PCCA: variants seen among roughly 807,000 people sequenced by gnomAD.
PCCA encodes propionyl-CoA carboxylase subunit alpha, also known as propionyl-CoA carboxylase alpha chain, mitochondrial.
In PCCA, 74 loss-of-function variants were observed where a neutral mutation model predicts 101.3. The ratio of observed to expected loss-of-function variants is 0.73; its 90% confidence interval spans 0.61 to 0.89. The LOEUF is 0.89. PCCA is among the 40% of genes least tolerant of loss of function. The pLI is 0.00. For missense variants in PCCA, 891 were observed against 907.0 expected (o/e 0.98, Z 0.23); for synonymous variants, 294 against 313.6 (o/e 0.94, Z 0.66).
chr13:100,241,143 A>AT lies in PCCA; in HGVS notation c.637+5271dup, dbSNP rs1365489794. On this transcript the variant is annotated intron_variant, in intron 8 of 23. Transcript: ENST00000376285. ...GCCTTTCAAAGTGCACAATTCGGTGATTTTTTGTGTATTTACAAGGTTGTG... is the reference window on the plus strand; with the variant it reads ...GCCTTTCAAAGTGCACAATTCGGTGATTTTTTTGTGTATTTACAAGGTTGTG... Among the ~76,000 whole-genome samples, 8 of 152,214 alleles carry AT rather than the reference A, an allele frequency of 5.3e-5. 1 individual carries two copies. The highest frequency in any genetic ancestry group is 1.7e-4 in the African/African-American group (7 of 41,550).
intron 9 of PCCA, among the ~76,000 whole-genome samples, chr13:100,262,426 A>G (rs1169642379): frequency 6.6e-6 from 1 of 152,080 alleles, no homozygotes; most frequent in African/African-American, 2.4e-5. Flanking sequence ...AGCAGTTGGT[A>G]AAGTATCGGC....
rs533420495 is a variant in PCCA, at chr13:100,172,852, G to A, written c.468+15512G>A. Among the ~76,000 whole-genome samples the A allele has an allele frequency of 3.3e-5, 5 of 152,260 alleles. No individual in the cohort carries two copies. The South Asian group carries it at 1.0e-3, about 32-fold the overall frequency. ...CTGCTTTTCAGGCGAAGAAGCAGAA[G>A]TTGCTCAGGATCACACAGCTGTTAG... On this transcript the variant is annotated intron_variant, in intron 6 of 23. Transcript: ENST00000376285.
intron 6 of PCCA, among the ~76,000 whole-genome samples, chr13:100,179,252 T>G (rs148947283): frequency 6.6e-6 from 1 of 152,060 alleles, no homozygotes; most frequent in African/African-American, 2.4e-5. Context: ...CCTTACATAC[T>G]GACGAATAAT....
intron 19 of PCCA, among the ~76,000 whole-genome samples, chr13:100,396,169 C>G (rs1356944713): frequency 6.6e-6 from 1 of 152,192 alleles, no homozygotes. Flanking sequence ...CCCTGAACCA[C>G]TGCAGCAGTG....
intron 17 of PCCA, among the ~76,000 whole-genome samples, chr13:100,339,534 A>G (rs2070995326): frequency 6.6e-6 from 1 of 152,208 alleles, no homozygotes; most frequent in South Asian, 2.1e-4. Flanking sequence ...AAATTCTTCA[A>G]TCAGTCACTC....
At chr13:100,124,051 C>G (rs2152308744) in intron 4 of PCCA, among the ~76,000 whole-genome samples, 1 of 152,268 alleles carries the variant, frequency 6.6e-6, no homozygotes, top group South Asian at 2.1e-4. Flanking sequence ...GATTGTTGTA[C>G]TTCTCCAAAT....
At chr13:100,527,908 CTGCCCTGA>C (rs2153008546) in intron 23 of PCCA, among the ~76,000 whole-genome samples, 156 bp downstream of exon 23, 1 of 152,358 alleles carries the variant, frequency 6.6e-6, no homozygotes, top group East Asian at 1.9e-4. Flanking sequence ...TTTTGCCATT[CTGCCCTGA>C]TGCATCCCTG....
At chr13:100,505,196 G>A (rs1033796445) in intron 21 of PCCA, among the ~76,000 whole-genome samples, 2 of 152,126 alleles carry the variant, frequency 1.3e-5, no homozygotes, top group Non-Finnish European at 2.9e-5. Context: ...CGTTTATATT[G>A]TGTCATTCAT....
chr13:100,352,657 G>A (rs1376731721), intron 18 of PCCA, among the ~76,000 whole-genome samples: 1 of 151,584 alleles, frequency 6.6e-6, no homozygotes, highest in Non-Finnish European at 1.5e-5. Context: ...GCCTCCTGAA[G>A]TGCTGGGATT....
chr13:100,226,845 C>T (rs531450292), intron 7 of PCCA, among the ~76,000 whole-genome samples: 3 of 152,256 alleles, frequency 2.0e-5, no homozygotes, highest in Admixed American at 2.0e-4. Flanking sequence ...TAATGTGTTT[C>T]AGCCTTGACT....
At chr13:100,190,542 G>A (rs533177159) in intron 6 of PCCA, among the ~76,000 whole-genome samples, 8 of 152,236 alleles carry the variant, frequency 5.3e-5, no homozygotes, top group Admixed American at 3.3e-4. Flanking sequence ...AGATGTGATG[G>A]CATATACCTG....
intron 7 of PCCA, 93 bp from the exon 8 acceptor site, chr13:100,235,749 C>T (rs144033852): frequency 3.6e-5 from 29 of 813,668 alleles, no homozygotes; most frequent in African/African-American, 3.5e-4. Context: ...TTAAATGAAT[C>T]GGAGGAGACA....
intron 21 of PCCA, among the ~76,000 whole-genome samples, chr13:100,494,564 T>C (rs961919573): frequency 6.6e-6 from 1 of 151,624 alleles, no homozygotes; most frequent in African/African-American, 2.4e-5. Flanking sequence ...ACGCCTGTAA[T>C]CCCAGCTACT....
chr13:100,215,178 G>T (rs1566724443), intron 7 of PCCA, among the ~76,000 whole-genome samples: 1 of 152,176 alleles, frequency 6.6e-6, no homozygotes, highest in East Asian at 1.9e-4. Context: ...TTCCTTAACT[G>T]TCTTCATTAG....
At chr13:100,158,087 T>G (rs569816703) in intron 6 of PCCA, among the ~76,000 whole-genome samples, 1 of 152,334 alleles carries the variant, frequency 6.6e-6, no homozygotes, top group African/African-American at 2.4e-5. Flanking sequence ...TCCCACACAC[T>G]TAGGCTAAGT....
chr13:100,268,812 C>A (rs575046712), intron 11 of PCCA, 29 bp downstream of exon 11: 2 of 1,482,284 alleles, frequency 1.3e-6, no homozygotes, highest in African/African-American at 1.4e-5. Context: ...ATTTATAAAG[C>A]GGCTGCTTTT....
At chr13:100,471,119 G>A (rs1383959286) in intron 21 of PCCA, among the ~76,000 whole-genome samples, 2 of 152,148 alleles carry the variant, frequency 1.3e-5, no homozygotes. Context: ...AACACTTAGA[G>A]GCCACTGTAG....
At chr13:100,101,098 C>T (rs1033750986) in intron 1 of PCCA, among the ~76,000 whole-genome samples, 3 of 152,142 alleles carry the variant, frequency 2.0e-5, no homozygotes, top group Admixed American at 6.6e-5. Context: ...CCACCGTGCC[C>T]GGCCCGAGTT....
intron 6 of PCCA, among the ~76,000 whole-genome samples, chr13:100,205,265 T>C (rs2058784489): frequency 6.6e-6 from 1 of 152,166 alleles, no homozygotes; most frequent in South Asian, 2.1e-4. Flanking sequence ...CTGAAAACAT[T>C]TGAAACATGC....
Sources: allele counts gnomAD v4.1 joint callset (sites outside exome capture counted in the v4.1 genomes callset), GRCh38; gene constraint gnomAD v4.1.1; transcripts MANE v1.5; gene names NCBI Gene and HGNC (gene_info 2026-07-23, HGNC 2026-07-21).